The following CEP72 variants were observed in gnomAD, a reference collection of about 807,000 sequenced individuals.
CEP72 encodes the protein centrosomal protein 72.
In CEP72, 78 loss-of-function variants were observed where a neutral mutation model predicts 65.7. That is an observed-to-expected ratio of 1.19 (90% CI 0.99 to 1.43). The LOEUF is 1.43. CEP72 is among the 40% of genes most tolerant of loss of function. The pLI is 0.00. For missense variants in CEP72, 914 were observed against 832.9 expected (o/e 1.10, Z -1.20); for synonymous variants, 358 against 351.7 (o/e 1.02, Z -0.20).
In CEP72 at chr5:637,559, A is replaced by T; in HGVS notation, c.947A>T (p.Asp316Val). 1 of 1,613,976 alleles carries T rather than the reference A, an allele frequency of 6.2e-7. No individual in the cohort carries two copies. The highest frequency in any genetic ancestry group is 8.5e-7 in the Non-Finnish European group (1 of 1,179,990). Reference sequence around the variant, plus strand: ...GACTCGGCCTCTTCTCAGAAGTTGGATTTGTCAGGAGAAATGGTGCCTGGT... The same window carrying T: ...GACTCGGCCTCTTCTCAGAAGTTGGTTTTGTCAGGAGAAATGGTGCCTGGT... The part of the protein sequence containing the change: ...TEDSASSQKL[D>V]LSGEMVPGPL... The change falls in exon 7 of 12, where the codon GAT becomes GTT. Residue 316 changes from aspartate to valine, a missense_variant. Coordinates refer to ENST00000264935, the MANE Select transcript of CEP72 (RefSeq NM_018140.4).
At position 619,122 on chromosome 5, in the gene CEP72, G is replaced by A. The variant is rs578034017; in HGVS notation, c.210+5G>A. On this transcript the variant is annotated splice_donor_5th_base_variant and intron_variant, in intron 2 of 11. Coordinates refer to ENST00000264935, the MANE Select transcript of CEP72 (RefSeq NM_018140.4). Reference sequence around the variant, plus strand: ...AACTCCTTGGTTAGTCTGGAGGTAAGTTTTAGGTCTCTTTCTTAAAATTTA... The same window carrying A: ...AACTCCTTGGTTAGTCTGGAGGTAAATTTTAGGTCTCTTTCTTAAAATTTA... The A allele has an allele frequency of 6.2e-7, 1 of 1,606,044 alleles. No individual in the cohort carries two copies. Among genetic ancestry groups the A allele is most frequent in the African/African-American group, 1.3e-5 (1 of 74,804 alleles).
intron 9 of CEP72, among the ~76,000 whole-genome samples, chr5:643,984 C>T (rs1189294710): frequency 6.6e-6 from 1 of 152,240 alleles, no homozygotes; most frequent in Non-Finnish European, 1.5e-5. Context: ...ACCAGCTGCC[C>T]TGCCCAGCAT....
intron 11 of CEP72, among the ~76,000 whole-genome samples, chr5:651,323 G>A (rs71585293): frequency 0.018 from 1,680 of 91,912 alleles, 80 homozygotes; most frequent in East Asian, 0.032. Flanking sequence ...ACTGTGAGGC[G>A]TGGACTGTGA....
At chr5:642,748 G>C (rs911479671) in intron 9 of CEP72, 1 of 985,292 alleles carries the variant, frequency 1.0e-6, no homozygotes, top group Non-Finnish European at 1.2e-6. Flanking sequence ...CGCGGGTAAG[G>C]AGCAGTCAGC....
chr5:633,164 G>A (rs1423925972), intron 4 of CEP72, among the ~76,000 whole-genome samples: 5 of 86,238 alleles, frequency 5.8e-5, no homozygotes, highest in Admixed American at 1.1e-4. Flanking sequence ...CCGGGATTTG[G>A]CCCAGTCCTG....
At chr5:651,456 A>G (rs1013036059) in intron 11 of CEP72, among the ~76,000 whole-genome samples, 1 of 151,908 alleles carries the variant, frequency 6.6e-6, no homozygotes, top group Non-Finnish European at 1.5e-5. Flanking sequence ...GAGGTGCATG[A>G]GAGATGGTCG....
rs137951667 is a variant in CEP72, at chr5:616,227, C to T, written c.83-2763C>T. On this transcript the variant is annotated intron_variant, in intron 1 of 11. Coordinates refer to ENST00000264935, the MANE Select transcript of CEP72 (RefSeq NM_018140.4). ...GACAGATTCTCTTAGTTTTTCTCTA[C>T]GGTTTTACAGTTTTCATCTGTCATC... Among the ~76,000 whole-genome samples the T allele has an allele frequency of 1.2e-4, 19 of 152,242 alleles. No homozygotes were observed. In the East Asian group the frequency reaches 2.5e-3, roughly 20 times the overall value.
chr5:661,847 C>T (rs1287228066), downstream of CEP72: 1 of 152,324 alleles, frequency 6.6e-6, no homozygotes, highest in East Asian at 1.9e-4. Flanking sequence ...CGCTTTGGAG[C>T]TGAGTGGAGA....
downstream of CEP72, among the ~76,000 whole-genome samples, chr5:656,641 A>G (rs1449646697): frequency 6.6e-6 from 1 of 152,168 alleles, no homozygotes; most frequent in Non-Finnish European, 1.5e-5. Context: ...CAGTCTAGTA[A>G]TTTTAATCAT....
intron 10 of CEP72, among the ~76,000 whole-genome samples, chr5:646,485 A>G (rs1738432426): frequency 6.6e-6 from 1 of 152,100 alleles, no homozygotes; most frequent in South Asian, 2.1e-4. Context: ...GACCTCATGG[A>G]TCAAGGATAG....
At chr5:649,581 GCGTGACTGAGGCGTGAC>G in intron 11 of CEP72, among the ~76,000 whole-genome samples, 1 of 125,116 alleles carries the variant, frequency 8.0e-6, no homozygotes, top group Admixed American at 8.3e-5. Flanking sequence ...GGACTGTGAG[GCGTGACTGAGGCGTGAC>G]TGTGAGGCGT....
chr5:637,078 T>G (rs1417338921), intron 6 of CEP72, among the ~76,000 whole-genome samples: 3 of 152,110 alleles, frequency 2.0e-5, no homozygotes, highest in African/African-American at 7.2e-5. Context: ...GGCTTAGTGG[T>G]CGGTACAGTG....
intron 1 of CEP72, among the ~76,000 whole-genome samples, chr5:617,653 C>T (rs1356510348): frequency 6.6e-6 from 1 of 152,246 alleles, no homozygotes; most frequent in Non-Finnish European, 1.5e-5. Context: ...CAGCATCCTG[C>T]TGTTTAGCTG....
downstream of CEP72, among the ~76,000 whole-genome samples, chr5:670,680 G>A (rs1740189640): frequency 6.6e-6 from 1 of 152,160 alleles, no homozygotes; most frequent in African/African-American, 2.4e-5. Context: ...GGAGGGTCCA[G>A]TGGTCCCGTT....
chr5:624,460 T>C lies in CEP72; in HGVS notation c.404-11T>C. On this transcript the variant is annotated splice_polypyrimidine_tract_variant and intron_variant, in intron 3 of 11. Transcript: ENST00000264935. The surrounding 1 kb of genome is among the most constrained non-coding windows in gnomAD (Gnocchi z 4.7). ...GCCACCTGCACAGTCTTGTGTGGCC[T>C]TTTCTTCTAGACGATCGCCCCGTGA... 1 of 1,609,714 alleles carries C rather than the reference T, an allele frequency of 6.2e-7. No homozygotes were observed. The highest frequency in any genetic ancestry group is 8.5e-7 in the Non-Finnish European group (1 of 1,175,970).
chr5:648,856 TGTGACTGTGAGG>T, intron 11 of CEP72, among the ~76,000 whole-genome samples: 1 of 13,556 alleles, frequency 7.4e-5, no homozygotes, highest in African/African-American at 3.2e-4. Flanking sequence ...GACTGTGAGG[TGTGACTGTGAGG>T]TGTGACTGTG....
chr5:665,200 C>T, exon 3 of CEP72: 1 of 1,613,908 alleles, frequency 6.2e-7, no homozygotes, highest in Non-Finnish European at 8.5e-7. Context: ...CCAGCCTTGC[C>T]CTTGCCCTTG....
At chr5:655,134 G>T (rs900035983), downstream of CEP72, among the ~76,000 whole-genome samples, 8 of 152,150 alleles carry the variant, frequency 5.3e-5, no homozygotes, top group Admixed American at 6.5e-5. This position sits in a 1 kb window ranked among gnomAD's most constrained non-coding sequence, Gnocchi z 5.0. Flanking sequence ...GCTGAGGCAG[G>T]AGGATCACTT....
At chr5:648,416 A>G (rs1738577080) in intron 11 of CEP72, among the ~76,000 whole-genome samples, 1 of 138,560 alleles carries the variant, frequency 7.2e-6, no homozygotes, top group Non-Finnish European at 1.5e-5. Flanking sequence ...GTATGTGACC[A>G]TGGGGTGTGG....
Sources: allele counts gnomAD v4.1 joint callset (sites outside exome capture counted in the v4.1 genomes callset), GRCh38; gene constraint gnomAD v4.1.1; non-coding constraint Gnocchi (gnomAD v3.1); transcripts MANE v1.5; gene names NCBI Gene and HGNC (gene_info 2026-07-23, HGNC 2026-07-21).